The following CDH4 variants were observed in gnomAD, a reference collection of about 807,000 sequenced individuals.
The protein encoded by CDH4 is cadherin-4.
A neutral mutation model predicts 86.0 loss-of-function variants in CDH4; 33 were observed. That is an observed-to-expected ratio of 0.38 (90% CI 0.29 to 0.51). The LOEUF (loss-of-function observed/expected upper bound fraction) is 0.51, where lower values mean the gene tolerates loss of function less well. Among genes scored for constraint, CDH4 ranks in the 20% least tolerant of loss-of-function variants. The pLI, the probability that CDH4 is intolerant of heterozygous loss-of-function variation, is 0.86. For synonymous variants in CDH4, 555 were observed against 549.4 expected, an observed-to-expected ratio of 1.01 and a Z score of -0.14; for missense variants, 1,114 against 1,307.4, an observed-to-expected ratio of 0.85 and a Z score of 2.28.
chr20:61,479,502 C>T (rs1015177384), intron 2 of CDH4, among the ~76,000 whole-genome samples: 7 of 152,210 alleles, frequency 4.6e-5, no homozygotes, highest in Admixed American at 2.6e-4. Context: ...CACATGCACA[C>T]GTATGTTTAT....
At chr20:61,791,124 G>T (rs767453424) in intron 4 of CDH4, among the ~76,000 whole-genome samples, 1 of 152,232 alleles carries the variant, frequency 6.6e-6, no homozygotes, top group Non-Finnish European at 1.5e-5. Context: ...AAAAAATTGC[G>T]TCATGAGTTG....
chr20:61,352,780 T>C (rs2084720917), intron 2 of CDH4, among the ~76,000 whole-genome samples: 1 of 152,128 alleles, frequency 6.6e-6, no homozygotes, highest in Admixed American at 6.5e-5. Flanking sequence ...CTGCATTTTC[T>C]TCCTGGCCGT....
chr20:61,305,810 G>A (rs6129093), intron 2 of CDH4, among the ~76,000 whole-genome samples: 86,664 of 152,076 alleles, frequency 0.57, 25,854 homozygotes, highest in Non-Finnish European at 0.66. Context: ...CAAATGGCTC[G>A]CCAGGAGATC....
At position 61,516,221 on chromosome 20, in the gene CDH4, C is replaced by T. The variant is rs961509607; in HGVS notation, c.170-227342C>T. Among the ~76,000 whole-genome samples the T allele has an allele frequency of 3.3e-5, 5 of 152,200 alleles. No individual in the cohort carries two copies. The highest frequency in any genetic ancestry group is 1.2e-4 in the African/African-American group (5 of 41,454). ...CTAGAAGCTGCGGCAGGTGTCCGCC[C>T]TGGGGACTAAGCAAAACAGGGACAG... On this transcript the variant is annotated intron_variant, in intron 2 of 15. Coordinates refer to ENST00000614565, the MANE Select transcript of CDH4 (RefSeq NM_001794.5). The surrounding 1 kb of genome is among the most constrained non-coding windows in gnomAD (Gnocchi z 4.0).
chr20:61,274,811 ATG>A (rs2123149091), intron 2 of CDH4, among the ~76,000 whole-genome samples: 1 of 83,194 alleles, frequency 1.2e-5, no homozygotes. Flanking sequence ...GGGGAGTACC[ATG>A]TGCAGTTTGG....
chr20:61,921,834 A>G (rs1405082587), intron 9 of CDH4, among the ~76,000 whole-genome samples: 1 of 151,478 alleles, frequency 6.6e-6, no homozygotes, highest in Non-Finnish European at 1.5e-5. Flanking sequence ...TGTGACCCTG[A>G]CCCCATTCCT....
At chr20:61,904,924 G>A (rs2054772231) in intron 8 of CDH4, among the ~76,000 whole-genome samples, 1 of 152,236 alleles carries the variant, frequency 6.6e-6, no homozygotes, top group African/African-American at 2.4e-5. Flanking sequence ...TGAAACACCG[G>A]CTGTGCTGCA....
chr20:61,923,526 A>C lies in CDH4; in HGVS notation c.1450A>C (p.Ile484Leu). Residue 484 changes from isoleucine to leucine, a missense_variant, in exon 10 of 16, where the codon ATC becomes CTC. Coordinates refer to ENST00000614565, the MANE Select transcript of CDH4 (RefSeq NM_001794.5). ...CAACCAGGCGCCCCTGGCCAGCGGA[A>C]TCCAGATGTCCTTCCAGTCCACGGC... ...VSNQAPLASG[I>L]QMSFQSTAGV... The C allele has an allele frequency of 6.2e-7, 1 of 1,614,188 alleles. No individual in the cohort carries two copies.
intron 2 of CDH4, among the ~76,000 whole-genome samples, chr20:61,586,217 A>T (rs1005205247): frequency 1.3e-5 from 2 of 151,506 alleles, no homozygotes; most frequent in Non-Finnish European, 2.9e-5. Flanking sequence ...GATGATAATG[A>T]TATTAATCAT....
At chr20:61,285,369 C>T (rs1013107183) in intron 2 of CDH4, among the ~76,000 whole-genome samples, 1 of 149,804 alleles carries the variant, frequency 6.7e-6, no homozygotes, top group Non-Finnish European at 1.5e-5. Flanking sequence ...CCCACAGCTG[C>T]CTGCTCTTGA....
At position 61,517,635 on chromosome 20, in the gene CDH4, A is replaced by G. The variant is rs2085831723; in HGVS notation, c.170-225928A>G. On this transcript the variant is annotated intron_variant, in intron 2 of 15. Transcript: ENST00000614565. This position sits in a 1 kb window ranked among gnomAD's most constrained non-coding sequence, Gnocchi z 6.6. Reference sequence around the variant, plus strand: ...GGGTGGCTGAGCCCCTTGAGCTGCAAAGTGAGGAGAATGACGGCAGCGCCG... The same window carrying G: ...GGGTGGCTGAGCCCCTTGAGCTGCAGAGTGAGGAGAATGACGGCAGCGCCG... 6.6e-6 allele frequency among the ~76,000 whole-genome samples: 1 copy of G among 152,160 alleles called. No homozygotes were observed. Among genetic ancestry groups the G allele is most frequent in the African/African-American group, 2.4e-5 (1 of 41,442 alleles).
intron 2 of CDH4, among the ~76,000 whole-genome samples, chr20:61,739,958 T>C (rs6061781): frequency 0.037 from 5,691 of 152,294 alleles, 350 homozygotes; most frequent in African/African-American, 0.13. Context: ...GTCCTCTCTG[T>C]ACACGGAGAC....
At chr20:61,300,589 A>G (rs1300577960) in intron 2 of CDH4, among the ~76,000 whole-genome samples, 1 of 152,030 alleles carries the variant, frequency 6.6e-6, no homozygotes, top group East Asian at 1.9e-4. Context: ...CCTGGCCTGC[A>G]CTGGCCCTTT....
At chr20:61,492,346 T>G (rs777574856) in intron 2 of CDH4, among the ~76,000 whole-genome samples, 5 of 151,666 alleles carry the variant, frequency 3.3e-5, no homozygotes, top group Admixed American at 6.6e-5. Context: ...GATGTTGATG[T>G]TGATGGTGGT....
chr20:61,629,889 G>C (rs1469458672), intron 2 of CDH4, among the ~76,000 whole-genome samples: 3 of 152,228 alleles, frequency 2.0e-5, no homozygotes, highest in African/African-American at 7.2e-5. Flanking sequence ...CTGAACAGGA[G>C]GCAGAGGGTG....
intron 11 of CDH4, 56 bp downstream of exon 11, chr20:61,924,532 C>T (rs908251671): frequency 2.5e-6 from 4 of 1,574,226 alleles, no homozygotes; most frequent in Non-Finnish European, 3.4e-6. Context: ...GTCCTGGGTT[C>T]TGTGGGCGAG....
chr20:61,444,064 GT>G (rs879306877), intron 2 of CDH4, among the ~76,000 whole-genome samples: 79,580 of 149,740 alleles, frequency 0.53, 21,179 homozygotes, highest in Admixed American at 0.58. Flanking sequence ...GGTTGTCTGT[GT>G]GTGTGTCTGT....
intron 4 of CDH4, among the ~76,000 whole-genome samples, chr20:61,806,601 G>A (rs1980147864): frequency 6.6e-6 from 1 of 152,186 alleles, no homozygotes; most frequent in South Asian, 2.1e-4. Context: ...TACCATCGGA[G>A]CAGGTGGAGG....
chr20:61,352,523 G>A (rs2123302662), intron 2 of CDH4, among the ~76,000 whole-genome samples: 1 of 152,322 alleles, frequency 6.6e-6, no homozygotes, highest in East Asian at 1.9e-4. Flanking sequence ...AGCCGCCTGT[G>A]GGGCAGCCTC....
Sources: gnomAD v4.1 joint callset for allele counts (sites outside exome capture counted in the v4.1 genomes callset) on GRCh38, gnomAD v4.1.1 for gene constraint, Gnocchi (gnomAD v3.1) non-coding constraint, MANE v1.5 for transcripts, NCBI Gene and HGNC (gene_info 2026-07-23, HGNC 2026-07-21) for gene names.